The following SNX29 variants were observed in gnomAD, a reference collection of about 807,000 sequenced individuals.
The protein encoded by SNX29 is sorting nexin-29.
A neutral mutation model predicts 102.1 loss-of-function variants in SNX29; 78 were observed. The ratio of observed to expected loss-of-function variants is 0.76; its 90% CI spans 0.64 to 0.92. The LOEUF is 0.92. SNX29 is among the 40% of genes least tolerant of loss of function. The pLI is 0.00. For synonymous variants in SNX29, 580 were observed against 414.5 expected (o/e 1.40, Z -4.85); for missense variants, 1,280 against 1,061.7 (o/e 1.21, Z -2.86).
intron 20 of SNX29, among the ~76,000 whole-genome samples, chr16:12,528,058 C>G (rs886177902): frequency 1.3e-5 from 2 of 151,920 alleles, no homozygotes; most frequent in Non-Finnish European, 2.9e-5. Context: ...ATCTCCTGAC[C>G]CCGTTATTCC....
intron 18 of SNX29, among the ~76,000 whole-genome samples, chr16:12,443,769 C>T (rs2085914926): frequency 6.6e-6 from 1 of 152,224 alleles, no homozygotes; most frequent in Non-Finnish European, 1.5e-5. Flanking sequence ...CTTTTAAAGC[C>T]AGTCCAAACT....
At chr16:12,328,746 C>T (rs1403255198) in intron 15 of SNX29, among the ~76,000 whole-genome samples, 1 of 152,178 alleles carries the variant, frequency 6.6e-6, no homozygotes, top group Admixed American at 6.5e-5. Flanking sequence ...GTATCTCTCC[C>T]TGTTTTACTC....
chr16:12,128,238 G>A (rs1239169405), intron 12 of SNX29, among the ~76,000 whole-genome samples: 1 of 152,212 alleles, frequency 6.6e-6, no homozygotes, highest in Non-Finnish European at 1.5e-5. Context: ...CTTGGAAGAA[G>A]CCATAGATTT....
At chr16:12,167,568 AT>A (rs1281989416) in intron 13 of SNX29, among the ~76,000 whole-genome samples, 9 of 152,156 alleles carry the variant, frequency 5.9e-5, no homozygotes, top group Admixed American at 5.9e-4. Flanking sequence ...TGATTCCATT[AT>A]CGCCACCATT....
intron 14 of SNX29, among the ~76,000 whole-genome samples, chr16:12,206,151 T>C (rs2077038909): frequency 6.6e-6 from 1 of 152,222 alleles, no homozygotes; most frequent in African/African-American, 2.4e-5. Flanking sequence ...ACCTTGACCC[T>C]GCCCTGGTTG....
chr16:12,553,689 C>T (rs191854312), intron 20 of SNX29, among the ~76,000 whole-genome samples: 27 of 150,502 alleles, frequency 1.8e-4, no homozygotes, highest in Admixed American at 6.7e-4. Context: ...CTCCTGGGTT[C>T]AAACAATTCT....
At chr16:12,329,872 T>A (rs2081244764) in intron 15 of SNX29, among the ~76,000 whole-genome samples, 1 of 152,196 alleles carries the variant, frequency 6.6e-6, no homozygotes, top group Non-Finnish European at 1.5e-5. Flanking sequence ...AAGAGCTGTT[T>A]TTTTCTGAAG....
intron 16 of SNX29, among the ~76,000 whole-genome samples, chr16:12,370,863 A>G (rs1265287268): frequency 1.3e-5 from 2 of 152,082 alleles, no homozygotes; most frequent in African/African-American, 4.8e-5. Flanking sequence ...ATGGGAATAG[A>G]TATGTTTTGG....
chr16:12,477,593 A>G, intron 18 of SNX29, 126 bp from the exon 19 acceptor site: 1 of 1,102,706 alleles, frequency 9.1e-7, no homozygotes, highest in South Asian at 1.5e-5. Flanking sequence ...GGAACTGGGC[A>G]TCCAGTGGTG....
chr16:12,169,255 C>T (rs1490424951), intron 13 of SNX29, among the ~76,000 whole-genome samples: 1 of 152,312 alleles, frequency 6.6e-6, no homozygotes, highest in Non-Finnish European at 1.5e-5. Context: ...TGTCCGGGAG[C>T]CCCAGTTCTA....
intron 19 of SNX29, among the ~76,000 whole-genome samples, chr16:12,496,163 C>T (rs1000111688): frequency 1.3e-5 from 2 of 152,190 alleles, no homozygotes; most frequent in African/African-American, 2.4e-5. Context: ...GCAGAAAGGT[C>T]ACACTCATTT....
Position 12,573,624 on chromosome 16 carries a change from C to T in SNX29, c.*4995C>T, listed in dbSNP as rs1321812339. The T allele has an allele frequency of 9.0e-6, 2 of 221,536 alleles. No homozygotes were observed. Among genetic ancestry groups the T allele is most frequent in the African/African-American group, 4.5e-5 (2 of 44,690 alleles). The allele number at this position is 221,536 out of a possible 1,614,324, so 13.7% of individuals were successfully genotyped here. On this transcript the variant is annotated 3_prime_UTR_variant, in exon 21 of 21. Transcript: ENST00000566228. ...TTTTCTCAGCTCTGCCGCTGGTCTC[C>T]ATGAACGGCAAGGGGAACCACCACT... is the stretch of plus-strand genomic sequence containing the variant.
At chr16:12,277,063 T>C (rs1418167195) in intron 14 of SNX29, among the ~76,000 whole-genome samples, 1 of 152,156 alleles carries the variant, frequency 6.6e-6, no homozygotes, top group Non-Finnish European at 1.5e-5. Context: ...ATCACTTTTT[T>C]GTTGTAGAAA....
chr16:12,520,028 AAGT>A (rs946765277), intron 19 of SNX29, among the ~76,000 whole-genome samples: 3 of 152,104 alleles, frequency 2.0e-5, no homozygotes, highest in Non-Finnish European at 4.4e-5. Flanking sequence ...AATAATAAAA[AAGT>A]AAGAAAACAA....
rs1014246724 is a variant in SNX29 at position 12,572,449 on chromosome 16, A to G, written c.*3820A>G. 9.4e-7 allele frequency: 1 copy of G among 1,063,088 alleles called. No individual in the cohort carries two copies. The highest frequency in any genetic ancestry group is 1.1e-6 in the Non-Finnish European group (1 of 877,904). 65.9% of individuals were successfully genotyped at this position (1,063,088 alleles called of 1,614,324 possible). ...CAGTGGCTGCCTCTCTTGGTTCTGC[A>G]TGGTACATTTTGCCAACCCTGAGGA... On this transcript the variant is annotated 3_prime_UTR_variant, in exon 21 of 21. Transcript: ENST00000566228.
intron 13 of SNX29, among the ~76,000 whole-genome samples, chr16:12,170,215 G>C (rs1267762961): frequency 6.6e-6 from 1 of 152,122 alleles, no homozygotes; most frequent in African/African-American, 2.4e-5. Flanking sequence ...GGTGGGGGCA[G>C]ATCCTGTGGC....
chr16:12,075,348 G>A (rs913914106), intron 10 of SNX29, among the ~76,000 whole-genome samples: 20 of 152,154 alleles, frequency 1.3e-4, no homozygotes, highest in African/African-American at 4.3e-4. Flanking sequence ...TTTTGGTGTG[G>A]ATGTCTTTTC....
intron 16 of SNX29, among the ~76,000 whole-genome samples, chr16:12,379,402 C>T (rs79713265): frequency 0.058 from 8,779 of 152,256 alleles, 352 homozygotes; most frequent in African/African-American, 0.11. Flanking sequence ...GGATTACAGG[C>T]GTGAGCCACT....
chr16:12,541,547 T>TCC (rs1392014213), intron 20 of SNX29, among the ~76,000 whole-genome samples: 1 of 151,850 alleles, frequency 6.6e-6, no homozygotes, highest in Non-Finnish European at 1.5e-5. Context: ...TTCATCAGCC[T>TCC]CCCTTTTCAA....
Sources: gnomAD v4.1 joint callset for allele counts (sites outside exome capture counted in the v4.1 genomes callset) on GRCh38, gnomAD v4.1.1 for gene constraint, MANE v1.5 for transcripts, NCBI Gene and HGNC (gene_info 2026-07-23, HGNC 2026-07-21) for gene names.